The following IL6R variants were observed in gnomAD, a reference collection of about 807,000 sequenced individuals.
The protein encoded by IL6R is interleukin 6 receptor.
IL6R carries 38 observed loss-of-function variants against 48.3 expected under a neutral mutation model. The ratio of observed to expected loss-of-function variants is 0.79; its 90% CI spans 0.61 to 1.03. The LOEUF (loss-of-function observed/expected upper bound fraction) is 1.03, where lower values mean the gene tolerates loss of function less well. IL6R is among the 50% of genes least tolerant of loss of function. IL6R has a pLI of 0.00. For synonymous variants in IL6R, 264 were observed against 256.2 expected (o/e 1.03, Z -0.29); for missense variants, 534 against 618.3 (o/e 0.86, Z 1.45).
chr1:154,461,261 A>C (rs180965019), intron 9 of IL6R, among the ~76,000 whole-genome samples: 7 of 152,348 alleles, frequency 4.6e-5, no homozygotes, highest in Admixed American at 3.3e-4. Context: ...CCCTTGAAGC[A>C]CAGCACCACA....
chr1:154,469,331 C>G lies in IL6R; in HGVS notation c.*3951C>G, dbSNP rs1411354596. Reference sequence around the variant, plus strand: ...TACCTAATTACCTGAAAGCAAATACCAAAGGCTGATGTCTGTATATGGGGC... The same window carrying G: ...TACCTAATTACCTGAAAGCAAATACGAAAGGCTGATGTCTGTATATGGGGC... On this transcript the variant is annotated 3_prime_UTR_variant, in exon 10 of 10. Coordinates refer to ENST00000368485, the MANE Select transcript of IL6R (RefSeq NM_000565.4). 2 of 151,974 alleles carry G rather than the reference C, an allele frequency of 1.3e-5. No homozygotes were observed. The highest frequency in any genetic ancestry group is 2.9e-5 in the Non-Finnish European group (2 of 67,990). The allele number at this position is 151,974 out of a possible 1,614,324, so 9.4% of individuals were successfully genotyped here.
At chr1:154,427,146 T>C (rs1689022546) in intron 1 of IL6R, among the ~76,000 whole-genome samples, 1 of 152,126 alleles carries the variant, frequency 6.6e-6, no homozygotes, top group Non-Finnish European at 1.5e-5. Flanking sequence ...TCTCGATCTC[T>C]TGACTTGTGA....
intron 9 of IL6R, among the ~76,000 whole-genome samples, chr1:154,460,646 C>T (rs1171851756): frequency 1.3e-5 from 2 of 152,086 alleles, no homozygotes; most frequent in African/African-American, 2.4e-5. Flanking sequence ...CAGAAAAGTT[C>T]CCACATCATG....
rs1035115851 is a variant in IL6R, at chr1:154,468,560, G to C, written c.*3180G>C. On this transcript the variant is annotated 3_prime_UTR_variant, in exon 10 of 10. Transcript: ENST00000368485. ...ACTCAGAGAGCTCTTGGCCCTGATG[G>C]GGACTTGCCCTTACGCTTTCTTTAT... The C allele has an allele frequency of 2.0e-5, 3 of 152,202 alleles. No homozygotes were observed. The highest frequency in any genetic ancestry group is 4.4e-5 in the Non-Finnish European group (3 of 68,044). The allele number at this position is 152,202 out of a possible 1,614,324, so 9.4% of individuals were successfully genotyped here.
chr1:154,441,229 T>C (rs1471780051), intron 6 of IL6R, among the ~76,000 whole-genome samples: 1 of 152,174 alleles, frequency 6.6e-6, no homozygotes, highest in East Asian at 1.9e-4. Context: ...TCTGGTCTCA[T>C]TTGTGGATGT....
intron 6 of IL6R, among the ~76,000 whole-genome samples, chr1:154,447,550 C>CATACATATAT (rs1558323759): frequency 8.4e-5 from 5 of 59,762 alleles, no homozygotes; most frequent in African/African-American, 2.4e-4. Context: ...TATATATACA[C>CATACATATAT]ATACACATAT....
intron 6 of IL6R, among the ~76,000 whole-genome samples, chr1:154,442,050 C>T (rs905461554): frequency 6.6e-6 from 1 of 152,078 alleles, no homozygotes; most frequent in Non-Finnish European, 1.5e-5. Flanking sequence ...AGAGTGGGAC[C>T]AGGGGCATCC....
At chr1:154,415,117 C>T in intron 1 of IL6R, 1 of 1,094,900 alleles carries the variant, frequency 9.1e-7, no homozygotes, top group South Asian at 1.3e-5. Flanking sequence ...TTCCACTCGC[C>T]CTTGAGTTGC....
chr1:154,431,992 A>T (rs937553274), intron 3 of IL6R, among the ~76,000 whole-genome samples: 2 of 152,206 alleles, frequency 1.3e-5, no homozygotes, highest in Non-Finnish European at 2.9e-5. Context: ...AATCTTGGAA[A>T]GCAAAACCTC....
chr1:154,439,337 C>T (rs1265603202), intron 6 of IL6R, among the ~76,000 whole-genome samples: 3 of 152,122 alleles, frequency 2.0e-5, no homozygotes, highest in Non-Finnish European at 2.9e-5. Flanking sequence ...TTTTTTGAGA[C>T]GGAGTCTCGC....
At chr1:154,413,073 C>A (rs1392137236) in intron 1 of IL6R, among the ~76,000 whole-genome samples, 1 of 150,504 alleles carries the variant, frequency 6.6e-6, no homozygotes, top group African/African-American at 2.4e-5. Context: ...ACGATGTTGG[C>A]TCACTGCAAC....
chr1:154,461,850 T>C (rs933778040), intron 9 of IL6R, among the ~76,000 whole-genome samples: 4 of 151,916 alleles, frequency 2.6e-5, no homozygotes, highest in Non-Finnish European at 5.9e-5. Context: ...GGTTGCAGGG[T>C]GTAGGGTGAG....
chr1:154,419,774 T>C (rs1688545255), intron 1 of IL6R, among the ~76,000 whole-genome samples: 1 of 152,192 alleles, frequency 6.6e-6, no homozygotes, highest in Non-Finnish European at 1.5e-5. Flanking sequence ...AGTTGAGAAA[T>C]ATGTGTCTCC....
At chr1:154,414,354 C>G in intron 1 of IL6R, 1 of 1,335,720 alleles carries the variant, frequency 7.5e-7, no homozygotes, top group South Asian at 1.2e-5. Flanking sequence ...CCACCCTGTG[C>G]CTGGTGGGCT....
rs1179153554 is a variant in IL6R at position 154,411,947 on chromosome 1, C to CTT, written c.85+6250_85+6251dup. Among the ~76,000 whole-genome samples, 908 of 132,620 alleles carry CTT rather than the reference C, an allele frequency of 6.8e-3. 24 individuals carry two copies. Among genetic ancestry groups the CTT allele is most frequent in the African/African-American group, 0.025 (865 of 34,914 alleles). 87.0% of individuals were successfully genotyped at this position (132,620 alleles called of 152,430 possible). ...GATAAATGTTATTGATCCTAAGAGCCTTTTTTTTTTTTTTTTTTGAGATGG... is the reference window on the plus strand; with the variant it reads ...GATAAATGTTATTGATCCTAAGAGCCTTTTTTTTTTTTTTTTTTTTGAGATGG... On this transcript the variant is annotated intron_variant, in intron 1 of 9. Transcript: ENST00000368485.
At chr1:154,459,501 G>C (rs1691117292) in intron 9 of IL6R, among the ~76,000 whole-genome samples, 1 of 152,198 alleles carries the variant, frequency 6.6e-6, no homozygotes, top group Non-Finnish European at 1.5e-5. Flanking sequence ...GCTGAACCAT[G>C]GTTACCATGG....
At chr1:154,430,655 A>G (rs1327160052) in intron 3 of IL6R, 49 bp downstream of exon 3, 2 of 1,612,670 alleles carry the variant, frequency 1.2e-6, no homozygotes, top group Admixed American at 1.7e-5. Flanking sequence ...CTCCTTCCCG[A>G]GGCCCCCCAG....
chr1:154,419,088 C>G (rs1210599229), intron 1 of IL6R, among the ~76,000 whole-genome samples: 1 of 152,134 alleles, frequency 6.6e-6, no homozygotes, highest in Non-Finnish European at 1.5e-5. Flanking sequence ...CCAGGCTCAT[C>G]TGGGTCCAGC....
chr1:154,454,769 A>G (rs1438981822), intron 9 of IL6R, among the ~76,000 whole-genome samples, 188 bp downstream of exon 9: 1 of 152,194 alleles, frequency 6.6e-6, no homozygotes, highest in African/African-American at 2.4e-5. Flanking sequence ...GCAGGAGACA[A>G]TGCTGGGCAG....
Sources: allele counts gnomAD v4.1 joint callset (sites outside exome capture counted in the v4.1 genomes callset), GRCh38; gene constraint gnomAD v4.1.1; transcripts MANE v1.5; gene names NCBI Gene and HGNC (gene_info 2026-07-23, HGNC 2026-07-21).